The following ARB2A variants were observed in gnomAD, a reference collection of about 807,000 sequenced individuals.
ARB2A encodes the protein cotranscriptional regulator ARB2A.
At chr5:94,015,417 GA>G in the ARB2A span, among the ~76,000 whole-genome samples, 13 of 145,036 alleles carry the variant, frequency 9.0e-5, no homozygotes, top group Admixed American at 2.7e-4. Context: ...CAATTTGAAA[GA>G]AAAAAAAAAC....
the ARB2A span, among the ~76,000 whole-genome samples, chr5:93,687,576 T>C: frequency 1.3e-5 from 2 of 152,166 alleles, no homozygotes; most frequent in African/African-American, 2.4e-5. Context: ...ATGAAAAATA[T>C]CCAAACTAAA....
the ARB2A span, among the ~76,000 whole-genome samples, chr5:93,844,839 G>T: frequency 1.3e-5 from 2 of 152,166 alleles, no homozygotes; most frequent in Admixed American, 6.6e-5. Context: ...TAATGAGCCG[G>T]ACCTGGATTT....
chr5:93,794,508 T>C, the ARB2A span, among the ~76,000 whole-genome samples: 855 of 152,246 alleles, frequency 5.6e-3, 6 homozygotes, highest in African/African-American at 0.02. Flanking sequence ...TGTTTTGTCA[T>C]ATTACCAGAG....
At chr5:93,709,889 T>C in the ARB2A span, among the ~76,000 whole-genome samples, 1 of 152,164 alleles carries the variant, frequency 6.6e-6, no homozygotes, top group African/African-American at 2.4e-5. Flanking sequence ...AGTTAAATGA[T>C]TGACTTCACA....
chr5:93,665,603 T>A, the ARB2A span, among the ~76,000 whole-genome samples: 1 of 152,180 alleles, frequency 6.6e-6, no homozygotes, highest in African/African-American at 2.4e-5. Context: ...ATTTAGAATG[T>A]GAGCTGATAA....
the ARB2A span, among the ~76,000 whole-genome samples, chr5:93,847,940 C>G: frequency 6.6e-6 from 1 of 152,140 alleles, no homozygotes; most frequent in African/African-American, 2.4e-5. Flanking sequence ...CAAAGGCCTG[C>G]GGTTTTAACT....
the ARB2A span, among the ~76,000 whole-genome samples, chr5:93,879,205 C>T: frequency 6.6e-6 from 1 of 151,920 alleles, no homozygotes; most frequent in Non-Finnish European, 1.5e-5. Context: ...ATTAATACAC[C>T]TCACACAAAA....
chr5:93,875,431 C>T, the ARB2A span, among the ~76,000 whole-genome samples: 1 of 152,024 alleles, frequency 6.6e-6, no homozygotes, highest in Admixed American at 6.5e-5. Context: ...AGGGTTTCAC[C>T]ATGTTGGCCA....
At chr5:93,978,391 T>A in the ARB2A span, among the ~76,000 whole-genome samples, 1 of 152,030 alleles carries the variant, frequency 6.6e-6, no homozygotes, top group African/African-American at 2.4e-5. Flanking sequence ...ATGGACTGAA[T>A]AAAGAAAATG....
chr5:93,720,623 T>G, the ARB2A span, among the ~76,000 whole-genome samples: 1 of 152,166 alleles, frequency 6.6e-6, no homozygotes, highest in Non-Finnish European at 1.5e-5. Context: ...TGATACTAGC[T>G]CTATAGTTTT....
At chr5:93,800,661 T>C in the ARB2A span, among the ~76,000 whole-genome samples, 1 of 152,248 alleles carries the variant, frequency 6.6e-6, no homozygotes, top group African/African-American at 2.4e-5. Flanking sequence ...GGTGGTGCTA[T>C]AGATTGAAAC....
the ARB2A span, among the ~76,000 whole-genome samples, chr5:93,679,194 C>A: frequency 6.6e-6 from 1 of 151,758 alleles, no homozygotes; most frequent in Non-Finnish European, 1.5e-5. Context: ...AATTAGTGTT[C>A]TTGGGACTGA....
chr5:94,053,067 T>C, the ARB2A span: 622 of 556,738 alleles, frequency 1.1e-3, 1 homozygote, highest in Admixed American at 2.2e-3. Flanking sequence ...AAATTTTGCA[T>C]ATACTATAGA....
chr5:93,793,533 C>A, the ARB2A span, among the ~76,000 whole-genome samples: 1 of 151,988 alleles, frequency 6.6e-6, no homozygotes, highest in East Asian at 1.9e-4. Flanking sequence ...TTTGTTAACA[C>A]CACATTCTCA....
chr5:94,001,642 T>C, the ARB2A span, among the ~76,000 whole-genome samples: 2 of 152,150 alleles, frequency 1.3e-5, no homozygotes, highest in African/African-American at 4.8e-5. Context: ...ACAGTGCTTT[T>C]GATTTCTAAC....
At chr5:93,753,283 A>G in the ARB2A span, among the ~76,000 whole-genome samples, 2 of 152,222 alleles carry the variant, frequency 1.3e-5, no homozygotes, top group African/African-American at 4.8e-5. Context: ...TTCACTAACA[A>G]AGAAGAGATA....
the ARB2A span, among the ~76,000 whole-genome samples, chr5:93,916,354 A>G: frequency 6.6e-6 from 1 of 152,160 alleles, no homozygotes; most frequent in Middle Eastern, 3.2e-3. Context: ...CCAAATAAAA[A>G]GCAAAGCTGC....
At chr5:93,996,442 T>G in the ARB2A span, among the ~76,000 whole-genome samples, 6 of 152,094 alleles carry the variant, frequency 3.9e-5, no homozygotes, top group Non-Finnish European at 8.8e-5. Context: ...TGTGTGAGAA[T>G]GCAGACAACC....
At chr5:93,876,131 C>T in the ARB2A span, among the ~76,000 whole-genome samples, 7 of 152,178 alleles carry the variant, frequency 4.6e-5, no homozygotes, top group Non-Finnish European at 8.8e-5. Context: ...TTTGTTTCAT[C>T]GTTTTACAAA....
Sources: allele counts gnomAD v4.1 joint callset (sites outside exome capture counted in the v4.1 genomes callset), GRCh38; gene constraint gnomAD v4.1.1; transcripts MANE v1.5; gene names NCBI Gene and HGNC (gene_info 2026-07-23, HGNC 2026-07-21).